The following ELMO1 variants were observed in gnomAD, a reference collection of about 807,000 sequenced individuals.
ELMO1 encodes the protein engulfment and cell motility 1.
ELMO1 carries 26 observed loss-of-function variants against 98.9 expected under a neutral mutation model. The ratio of observed to expected loss-of-function variants is 0.26; its 90% CI spans 0.19 to 0.36. The LOEUF is 0.36. Among genes scored for constraint, ELMO1 ranks in the 10% least tolerant of loss-of-function variants. The pLI is 1.00. For synonymous variants in ELMO1, 346 were observed against 346.0 expected, an observed-to-expected ratio of 1.00 and a Z score of 0.00; for missense variants, 627 against 935.2, an observed-to-expected ratio of 0.67 and a Z score of 4.30.
intron 6 of ELMO1, among the ~76,000 whole-genome samples, chr7:37,247,155 C>G (rs1427038823): frequency 6.6e-6 from 1 of 152,086 alleles, no homozygotes; most frequent in Non-Finnish European, 1.5e-5. Context: ...ATTGGAGAAT[C>G]ATAGAATTGC....
intron 2 of ELMO1, among the ~76,000 whole-genome samples, chr7:37,324,418 G>GATAAA (rs1799687451): frequency 6.6e-6 from 1 of 151,034 alleles, no homozygotes; most frequent in Non-Finnish European, 1.5e-5. Flanking sequence ...AAAAAAGGCT[G>GATAAA]CTTCCATCAA....
intron 16 of ELMO1, among the ~76,000 whole-genome samples, chr7:36,973,608 C>T (rs1790174629): frequency 6.6e-6 from 1 of 152,210 alleles, no homozygotes; most frequent in African/African-American, 2.4e-5. Context: ...CTCGCTCGCT[C>T]TCGGTGACTC....
intron 13 of ELMO1, among the ~76,000 whole-genome samples, chr7:37,208,945 A>G (rs1792805254): frequency 6.6e-6 from 1 of 152,126 alleles, no homozygotes; most frequent in South Asian, 2.1e-4. Context: ...TGCTTTTTCT[A>G]GGATGACTTT....
intron 15 of ELMO1, among the ~76,000 whole-genome samples, chr7:37,052,873 C>T (rs1034484829): frequency 1.5e-4 from 23 of 151,914 alleles, no homozygotes; most frequent in Non-Finnish European, 1.5e-5. Flanking sequence ...AGAGCACCAA[C>T]CCCCCAGGTC....
intron 6 of ELMO1, 112 bp downstream of exon 6, chr7:37,259,069 T>C (rs973149100): frequency 1.6e-6 from 2 of 1,262,914 alleles, no homozygotes; most frequent in Non-Finnish European, 1.0e-6. Context: ...TTCCTGAGTC[T>C]AACCAAGGCT....
At chr7:37,393,121 T>C (rs577933095) in intron 1 of ELMO1, among the ~76,000 whole-genome samples, 1 of 152,350 alleles carries the variant, frequency 6.6e-6, no homozygotes, top group East Asian at 1.9e-4. Flanking sequence ...TCTAAGCTTG[T>C]TCATTAATTT....
chr7:37,221,423 T>G (rs1384574201), intron 10 of ELMO1, among the ~76,000 whole-genome samples: 1 of 152,218 alleles, frequency 6.6e-6, no homozygotes, highest in South Asian at 2.1e-4. Context: ...CTCCCCAGCA[T>G]AGTTTCTAGG....
intron 13 of ELMO1, among the ~76,000 whole-genome samples, chr7:37,189,063 C>T (rs903630376): frequency 3.3e-5 from 5 of 152,126 alleles, no homozygotes; most frequent in African/African-American, 1.2e-4. Context: ...TGCTGTGGCA[C>T]TGTATATAAT....
At chr7:37,104,035 A>AAAAAAAT (rs1784802059) in intron 14 of ELMO1, among the ~76,000 whole-genome samples, 1 of 146,702 alleles carries the variant, frequency 6.8e-6, no homozygotes, top group Non-Finnish European at 1.5e-5. Flanking sequence ...AAAAAAAAAA[A>AAAAAAAT]AAAAAAAAGA....
At chr7:37,411,322 T>C (rs1428089752) in intron 1 of ELMO1, among the ~76,000 whole-genome samples, 2 of 152,208 alleles carry the variant, frequency 1.3e-5, no homozygotes, top group Non-Finnish European at 2.9e-5. Context: ...CAACACTTTA[T>C]TTTAAAACGA....
chr7:37,012,877 G>A lies in ELMO1; in HGVS notation c.1437+422C>T, dbSNP rs558140117. On this transcript the variant is annotated intron_variant, in intron 16 of 21. Transcript: ENST00000310758. ...ATCCATAATCCACAAAGAAACCACCGGACTAGGTGGAGCAGTATTCCTGAT... is the reference window on the plus strand; with the variant it reads ...ATCCATAATCCACAAAGAAACCACCAGACTAGGTGGAGCAGTATTCCTGAT... 3.3e-4 allele frequency among the ~76,000 whole-genome samples: 50 copies of A among 152,254 alleles called. No individual in the cohort carries two copies. The East Asian group carries it at 8.9e-3, about 27-fold the overall frequency.
At chr7:37,168,721 G>A (rs1356293576) in intron 13 of ELMO1, among the ~76,000 whole-genome samples, 1 of 152,184 alleles carries the variant, frequency 6.6e-6, no homozygotes, top group Non-Finnish European at 1.5e-5. Flanking sequence ...GGAGTACCCT[G>A]CCGTGTGAAG....
intron 14 of ELMO1, 23 bp from the exon 15 acceptor site, chr7:37,096,750 T>C (rs968629315): frequency 6.3e-6 from 10 of 1,595,040 alleles, no homozygotes; most frequent in African/African-American, 2.7e-5. Context: ...AGGGAACAGA[T>C]TAGAAAGGAA....
chr7:36,910,828 G>A (rs11981313), intron 16 of ELMO1, among the ~76,000 whole-genome samples: 1,698 of 152,300 alleles, frequency 0.011, 15 homozygotes, highest in Middle Eastern at 0.058. Flanking sequence ...AGGAGGACAC[G>A]TGGTGCCTCC....
At chr7:37,132,257 C>A (rs186632344) in intron 14 of ELMO1, among the ~76,000 whole-genome samples, 1 of 152,308 alleles carries the variant, frequency 6.6e-6, no homozygotes, top group Admixed American at 6.5e-5. Flanking sequence ...CATGCTCTTA[C>A]CATATTTTAA....
intron 16 of ELMO1, among the ~76,000 whole-genome samples, chr7:36,999,742 T>C (rs989643820): frequency 1.3e-5 from 2 of 152,188 alleles, no homozygotes; most frequent in African/African-American, 4.8e-5. Flanking sequence ...AGTCCAATAC[T>C]GGCAGTTGCA....
intron 14 of ELMO1, among the ~76,000 whole-genome samples, chr7:37,098,660 C>T (rs965681139): frequency 4.6e-5 from 7 of 152,210 alleles, no homozygotes; most frequent in African/African-American, 1.7e-4. Context: ...GCCTGAATCA[C>T]CCTTTTCCTT....
chr7:36,969,695 T>C (rs2129131033), intron 16 of ELMO1, among the ~76,000 whole-genome samples: 1 of 152,272 alleles, frequency 6.6e-6, no homozygotes, highest in East Asian at 1.9e-4. Context: ...CTTGAAATTC[T>C]GGCTTAGAAA....
At position 37,292,408 on chromosome 7, in the gene ELMO1, C is replaced by T. The variant is rs1225729507; in HGVS notation, c.193-20526G>A. Among the ~76,000 whole-genome samples the T allele has an allele frequency of 2.8e-5, 2 of 72,562 alleles. 1 individual carries two copies. The highest frequency in any genetic ancestry group is 7.1e-5 in the African/African-American group (2 of 28,158). 47.6% of individuals were successfully genotyped at this position (72,562 alleles called of 152,430 possible). On this transcript the variant is annotated intron_variant, in intron 4 of 21. Transcript: ENST00000310758. ...TGAGGAGCGTCTCCGCCTGGCCGCC[C>T]ATCATCTGCGATGTGAGGAGCCCCT... is the stretch of plus-strand genomic sequence containing the variant.
Sources: gnomAD v4.1 joint callset for allele counts (sites outside exome capture counted in the v4.1 genomes callset) on GRCh38, gnomAD v4.1.1 for gene constraint, MANE v1.5 for transcripts, NCBI Gene and HGNC (gene_info 2026-07-23, HGNC 2026-07-21) for gene names.